NKIRAS1: variants seen among roughly 807,000 people sequenced by gnomAD.
NKIRAS1 encodes NFKB inhibitor interacting Ras like 1, also known as NF-kappa-B inhibitor-interacting Ras-like protein 1.
In NKIRAS1, 16 loss-of-function variants were observed where a neutral mutation model predicts 19.8. That is an observed-to-expected ratio of 0.81 (90% CI 0.55 to 1.23). The LOEUF (loss-of-function observed/expected upper bound fraction) is 1.23, where lower values mean the gene tolerates loss of function less well. NKIRAS1 is among the 50% of genes most tolerant of loss of function. The pLI, the probability that NKIRAS1 is intolerant of heterozygous loss-of-function variation, is 0.00. For synonymous variants in NKIRAS1, 88 were observed against 79.0 expected (o/e 1.11, Z -0.61); for missense variants, 184 against 220.0 (o/e 0.84, Z 1.04).
chr3:23,901,387 G>A (rs1185056833), intron 3 of NKIRAS1, among the ~76,000 whole-genome samples: 4 of 152,032 alleles, frequency 2.6e-5, no homozygotes, highest in African/African-American at 4.8e-5. Context: ...GTTTCACCAC[G>A]TGGCCCAGGC....
At chr3:23,921,241 C>T (rs1705064344), upstream of NKIRAS1, among the ~76,000 whole-genome samples, 1 of 152,134 alleles carries the variant, frequency 6.6e-6, no homozygotes, top group Non-Finnish European at 1.5e-5. Context: ...TGCTACCCAA[C>T]AGTTTTATCT....
At chr3:23,895,663 C>A (rs1701905917) in intron 4 of NKIRAS1, among the ~76,000 whole-genome samples, 1 of 152,204 alleles carries the variant, frequency 6.6e-6, no homozygotes, top group Admixed American at 6.5e-5. Context: ...TGGCCCAGAT[C>A]ATACCACTGA....
chr3:23,920,878 A>G, upstream of NKIRAS1: 1 of 674,688 alleles, frequency 1.5e-6, no homozygotes, highest in Non-Finnish European at 1.8e-6. Flanking sequence ...GTCATCTTAC[A>G]GTGCTAATGT....
upstream of NKIRAS1, chr3:23,919,028 A>G (rs1575120650): frequency 1.3e-5 from 8 of 615,094 alleles, no homozygotes; most frequent in East Asian, 5.5e-5. Flanking sequence ...GCAAGTCTAC[A>G]TTATCTCATT....
At chr3:23,935,457 C>T (rs1204995571) in intron 1 of NKIRAS1, among the ~76,000 whole-genome samples, 1 of 151,828 alleles carries the variant, frequency 6.6e-6, no homozygotes, top group African/African-American at 2.4e-5. Flanking sequence ...GTTCTGTCTC[C>T]CAGGCTGGAG....
Position 23,900,924 on chromosome 3 carries a change from G to C in NKIRAS1, c.220C>G (p.His74Asp). Reference sequence around the variant, plus strand: ...AAGCCATCAGCAAATGAAAAATAATGCTTTGGCAGCTCCACGCCTTCCTGT... The same window carrying C: ...AAGCCATCAGCAAATGAAAAATAATCCTTTGGCAGCTCCACGCCTTCCTGT... ...GLQEGVELPK[H>D]YFSFADGFVL... The change falls in exon 4 of 5, where the codon CAT (histidine) becomes GAT (aspartate). Residue 74 changes from histidine to aspartate, a missense_variant. Coordinates refer to ENST00000425478, the MANE Select transcript of NKIRAS1 (RefSeq NM_020345.4). The C allele has an allele frequency of 6.2e-7, 1 of 1,614,128 alleles. No homozygotes were observed. Among genetic ancestry groups the C allele is most frequent in the Non-Finnish European group, 8.5e-7 (1 of 1,180,004 alleles).
chr3:23,917,564 G>A, upstream of NKIRAS1: 1 of 301,618 alleles, frequency 3.3e-6, no homozygotes, highest in Non-Finnish European at 6.1e-6. Context: ...CCTTGGGGAC[G>A]CCGCCTGCCG....
intron 2 of NKIRAS1, 50 bp downstream of exon 2, chr3:23,911,279 C>A (rs1385202650): frequency 1.1e-5 from 2 of 174,360 alleles, no homozygotes; most frequent in East Asian, 3.2e-4. Context: ...CATGGTGAAA[C>A]CCCATCTCTA....
At chr3:23,939,891 A>G (rs976253627) in intron 1 of NKIRAS1, among the ~76,000 whole-genome samples, 1 of 152,268 alleles carries the variant, frequency 6.6e-6, no homozygotes, top group Non-Finnish European at 1.5e-5. Context: ...ATAATTTATC[A>G]AACTGATTCA....
At chr3:23,920,710 G>A, upstream of NKIRAS1, 6 of 984,736 alleles carry the variant, frequency 6.1e-6, no homozygotes, top group Non-Finnish European at 7.2e-6. Flanking sequence ...TGATTTCCAG[G>A]AAGTACTCAT....
At chr3:23,920,203 C>T (rs1704995596), upstream of NKIRAS1, 1 of 985,848 alleles carries the variant, frequency 1.0e-6, no homozygotes, top group African/African-American at 1.7e-5. Flanking sequence ...GCTTAGACGT[C>T]AACCCTAAAA....
chr3:23,921,253 C>T (rs1705064879), upstream of NKIRAS1, among the ~76,000 whole-genome samples: 1 of 151,922 alleles, frequency 6.6e-6, no homozygotes, highest in African/African-American at 2.4e-5. Context: ...GTTTTATCTC[C>T]ACACAGTAGT....
rs199790451 is a variant in NKIRAS1, at chr3:23,940,357, TA to T, written c.-140+5965del. Among the ~76,000 whole-genome samples, 544 of 148,986 alleles carry T rather than the reference TA, an allele frequency of 3.7e-3. 15 individuals are homozygous for T. The East Asian group carries it at 0.05, about 14-fold the overall frequency. ...GCCAGACCTGTTTCTAAAAAAAAAT[TA>T]AAAAAACTGCAACAGTGTGAATTTT... On this transcript the variant is annotated intron_variant, in intron 1 of 4. Coordinates refer to the NKIRAS1 transcript ENST00000421515.
chr3:23,921,530 T>C (rs998646174), upstream of NKIRAS1: 47 of 680,780 alleles, frequency 6.9e-5, no homozygotes, highest in Admixed American at 9.9e-4. Context: ...TTACTATTTC[T>C]ATATTGGCAT....
chr3:23,918,130 G>A (rs1704778235), upstream of NKIRAS1: 2 of 1,427,886 alleles, frequency 1.4e-6, no homozygotes, highest in South Asian at 1.4e-5. Flanking sequence ...GTCTTTCTTC[G>A]CATAGGGCTT....
chr3:23,927,852 G>A lies in NKIRAS1; in HGVS notation c.-139-16402C>T, dbSNP rs929643900. Among the ~76,000 whole-genome samples the A allele has an allele frequency of 3.3e-5, 5 of 152,162 alleles. No individual in the cohort carries two copies. The highest frequency in any genetic ancestry group is 9.7e-5 in the African/African-American group (4 of 41,420). On this transcript the variant is annotated intron_variant, in intron 1 of 4. Coordinates refer to the NKIRAS1 transcript ENST00000421515. The surrounding 1 kb of genome is among the most constrained non-coding windows in gnomAD (Gnocchi z 4.0). ...CTAGAAATTTGGGAGGCCAAAGTGG[G>A]AGGACTGCTTGAGCCCAGGAGTTCC...
At chr3:23,946,425 G>C in exon 1 of NKIRAS1, 2 of 413,984 alleles carry the variant, frequency 4.8e-6, no homozygotes, top group South Asian at 9.8e-5. Context: ...ACGCTCGAAG[G>C]AGCTCTGAGG....
At position 23,897,162 on chromosome 3, in the gene NKIRAS1, T is replaced by C. The variant is rs548427556; in HGVS notation, c.336+3646A>G. On this transcript the variant is annotated intron_variant, in intron 4 of 4. Coordinates refer to ENST00000425478, the MANE Select transcript of NKIRAS1 (RefSeq NM_020345.4). ...GGAGTTTTAGGCTGCAATCATGCCA[T>C]AGCTCTCAAGTCTGGGCAACAGAGC... is the stretch of plus-strand genomic sequence containing the variant. Among the ~76,000 whole-genome samples the C allele has an allele frequency of 2.1e-4, 32 of 151,554 alleles. No homozygotes were observed. In the South Asian group the frequency reaches 6.0e-3, roughly 29 times the overall value.
rs2125246843 is a variant in NKIRAS1, at chr3:23,916,981, G to T, written c.-337C>A. The T allele has an allele frequency of 6.5e-6, 1 of 152,804 alleles. No homozygotes were observed. The highest frequency in any genetic ancestry group is 1.9e-4 in the East Asian group (1 of 5,180). 9.5% of individuals were successfully genotyped at this position (152,804 alleles called of 1,614,324 possible). A position where few individuals can be genotyped will look rare whatever the true frequency, so the allele number is the denominator to read the frequency against. The stretch of plus-strand genomic sequence containing the variant: ...AGGCTCGAATCTTGCGGAGCAGGGG[G>T]CGGGACAATAGCGGCCGCGGCGCCC... On this transcript the variant is annotated 5_prime_UTR_variant, in exon 1 of 5. Transcript: ENST00000425478.
Sources: allele counts gnomAD v4.1 joint callset (sites outside exome capture counted in the v4.1 genomes callset), GRCh38; gene constraint gnomAD v4.1.1; non-coding constraint Gnocchi (gnomAD v3.1); transcripts MANE v1.5; gene names NCBI Gene and HGNC (gene_info 2026-07-23, HGNC 2026-07-21).